The following FCHSD2 variants were observed in gnomAD, a reference collection of about 807,000 sequenced individuals.
The protein encoded by FCHSD2 is FCH and double SH3 domains 2.
FCHSD2 carries 38 observed loss-of-function variants against 108.1 expected under a neutral mutation model. The ratio of observed to expected loss-of-function variants is 0.35; its 90% CI spans 0.27 to 0.46. The LOEUF is 0.46. Ranked by LOEUF, FCHSD2 falls within the 20% of genes least tolerant of loss-of-function variation. The probability of loss-of-function intolerance (pLI) is 1.00; values close to 1 mark genes in which losing one functional copy is unlikely to be tolerated. For synonymous variants in FCHSD2, 279 were observed against 314.7 expected, an observed-to-expected ratio of 0.89 and a Z score of 1.20; for missense variants, 751 against 897.8, an observed-to-expected ratio of 0.84 and a Z score of 2.09.
chr11:72,978,775 T>G (rs1388217902), intron 8 of FCHSD2, among the ~76,000 whole-genome samples: 5 of 152,016 alleles, frequency 3.3e-5, no homozygotes, highest in African/African-American at 1.2e-4. Context: ...GTAAGTTTCC[T>G]GAGGCCTCCC....
chr11:73,019,439 G>T (rs1454933537), intron 3 of FCHSD2, among the ~76,000 whole-genome samples: 2 of 152,142 alleles, frequency 1.3e-5, no homozygotes, highest in African/African-American at 4.8e-5. Flanking sequence ...TCATTTTAGA[G>T]TGGACTTTAT....
chr11:73,082,666 ACC>A (rs1230353412), intron 3 of FCHSD2, among the ~76,000 whole-genome samples: 1 of 152,166 alleles, frequency 6.6e-6, no homozygotes, highest in Non-Finnish European at 1.5e-5. Context: ...AATAGTGGTT[ACC>A]ATGTAGAAAA....
At chr11:73,092,830 T>C (rs1859988918) in intron 2 of FCHSD2, among the ~76,000 whole-genome samples, 1 of 152,178 alleles carries the variant, frequency 6.6e-6, no homozygotes, top group South Asian at 2.1e-4. Flanking sequence ...GGATTAACCC[T>C]ACCCAAAGAC....
intron 11 of FCHSD2, 67 bp from the exon 12 acceptor site, chr11:72,887,641 G>GCCTTTTGAAT: frequency 9.9e-7 from 1 of 1,013,238 alleles, no homozygotes; most frequent in African/African-American, 1.7e-5. Flanking sequence ...AGTGATTAAA[G>GCCTTTTGAAT]TATTTACATA....
chr11:73,088,961 G>A (rs1332406365), intron 2 of FCHSD2, among the ~76,000 whole-genome samples: 1 of 152,100 alleles, frequency 6.6e-6, no homozygotes, highest in Non-Finnish European at 1.5e-5. Flanking sequence ...AAAAGGAATA[G>A]CTTTTGTACC....
At chr11:73,037,364 C>T (rs984320322) in intron 3 of FCHSD2, among the ~76,000 whole-genome samples, 1 of 152,178 alleles carries the variant, frequency 6.6e-6, no homozygotes, top group African/African-American at 2.4e-5. Context: ...CATATAGTGA[C>T]ATATCCATCA....
At chr11:72,911,806 T>C (rs918286812) in intron 9 of FCHSD2, among the ~76,000 whole-genome samples, 1 of 152,220 alleles carries the variant, frequency 6.6e-6, no homozygotes, top group Non-Finnish European at 1.5e-5. Context: ...AACCTCCATC[T>C]CTTGAATTCA....
chr11:73,067,175 TC>T (rs1859315273), intron 3 of FCHSD2, among the ~76,000 whole-genome samples: 1 of 152,226 alleles, frequency 6.6e-6, no homozygotes. Context: ...TGAGTTCATG[TC>T]CTTTGCAGGG....
intron 14 of FCHSD2, among the ~76,000 whole-genome samples, chr11:72,845,485 T>C (rs1861107946): frequency 6.8e-6 from 1 of 146,472 alleles, no homozygotes; most frequent in African/African-American, 2.6e-5. Flanking sequence ...ACAAAAACCA[T>C]GGAGGTCCAT....
intron 3 of FCHSD2, among the ~76,000 whole-genome samples, chr11:73,044,837 G>C (rs952883134): frequency 6.6e-6 from 1 of 152,130 alleles, no homozygotes; most frequent in African/African-American, 2.4e-5. Context: ...TTGGGAGGCC[G>C]AGGCAGGTGG....
chr11:73,118,210 T>A (rs192329800), intron 2 of FCHSD2, among the ~76,000 whole-genome samples: 98 of 152,084 alleles, frequency 6.4e-4, no homozygotes, highest in Non-Finnish European at 1.3e-3. Flanking sequence ...TCCCAGCAAC[T>A]TGGGAGGCTG....
chr11:72,920,779 C>T (rs1316765011), intron 9 of FCHSD2, among the ~76,000 whole-genome samples: 1 of 152,140 alleles, frequency 6.6e-6, no homozygotes, highest in East Asian at 1.9e-4. Flanking sequence ...TGTTTTACTA[C>T]ATTTTCCTTT....
At chr11:72,906,939 A>C (rs1022265004) in intron 9 of FCHSD2, among the ~76,000 whole-genome samples, 1 of 152,168 alleles carries the variant, frequency 6.6e-6, no homozygotes. Context: ...ACTTTAAAGT[A>C]GTTTTTTCCA....
chr11:72,939,098 C>A (rs989278679), intron 8 of FCHSD2, among the ~76,000 whole-genome samples: 3 of 152,090 alleles, frequency 2.0e-5, no homozygotes, highest in African/African-American at 7.2e-5. Flanking sequence ...ATTTTAAGTA[C>A]AGAGCCTATG....
At position 73,090,351 on chromosome 11, in the gene FCHSD2, A is replaced by G. The variant is rs556975204; in HGVS notation, c.120-6611T>C. Among the ~76,000 whole-genome samples, 1,364 of 148,832 alleles carry G rather than the reference A, an allele frequency of 9.2e-3. 21 individuals are homozygous for G. Among genetic ancestry groups the G allele is most frequent in the African/African-American group, 0.031 (1,242 of 40,458 alleles). On this transcript the variant is annotated intron_variant, in intron 2 of 19. Coordinates refer to ENST00000409418, the MANE Select transcript of FCHSD2 (RefSeq NM_014824.3). ...CGCCATTCTCCTGCCTCAGCCTCCCAAGTAGCTGGGACTACAGACGCCCGC... is the reference window on the plus strand; with the variant it reads ...CGCCATTCTCCTGCCTCAGCCTCCCGAGTAGCTGGGACTACAGACGCCCGC...
At chr11:72,850,023 C>T (rs1254173886) in intron 13 of FCHSD2, 134 bp from the exon 14 acceptor site, 10 of 538,342 alleles carry the variant, frequency 1.9e-5, no homozygotes, top group East Asian at 6.7e-5. Flanking sequence ...GACTATCTTT[C>T]GCACTTACAT....
At chr11:73,127,021 A>G (rs938212300) in intron 2 of FCHSD2, among the ~76,000 whole-genome samples, 4 of 152,216 alleles carry the variant, frequency 2.6e-5, no homozygotes, top group African/African-American at 4.8e-5. Context: ...CTGGGATGGA[A>G]TAAGACTCTG....
intron 2 of FCHSD2, among the ~76,000 whole-genome samples, chr11:73,126,403 T>C (rs1860861223): frequency 1.9e-5 from 2 of 106,374 alleles, no homozygotes; most frequent in African/African-American, 6.8e-5. Context: ...AATACAGTAG[T>C]ACATAAAGCT....
At chr11:73,037,659 A>G (rs1858530674) in intron 3 of FCHSD2, among the ~76,000 whole-genome samples, 1 of 152,210 alleles carries the variant, frequency 6.6e-6, no homozygotes, top group Non-Finnish European at 1.5e-5. Flanking sequence ...TTATGTTATG[A>G]ATGTGGCCAT....
Sources: allele counts gnomAD v4.1 joint callset (sites outside exome capture counted in the v4.1 genomes callset), GRCh38; gene constraint gnomAD v4.1.1; transcripts MANE v1.5; gene names NCBI Gene and HGNC (gene_info 2026-07-23, HGNC 2026-07-21).